MCC: variants seen among roughly 807,000 people sequenced by gnomAD.
MCC encodes colorectal mutant cancer protein.
In MCC, 90 loss-of-function variants were observed where a neutral mutation model predicts 116.2. That is an observed-to-expected ratio of 0.77 (90% CI 0.65 to 0.92). The LOEUF is 0.92. MCC is among the 40% of genes least tolerant of loss of function. The pLI is 0.00. For synonymous variants in MCC, 578 were observed against 510.5 expected, an observed-to-expected ratio of 1.13 and a Z score of -1.78; for missense variants, 1,516 against 1,312.2, an observed-to-expected ratio of 1.16 and a Z score of -2.40.
At chr5:113,342,315 C>T (rs575572729) in intron 2 of MCC, among the ~76,000 whole-genome samples, 2 of 152,188 alleles carry the variant, frequency 1.3e-5, no homozygotes, top group African/African-American at 4.8e-5. Flanking sequence ...GTGCAAGTAT[C>T]TTTTTCATAT....
At chr5:113,456,605 C>T (rs552591098) in intron 1 of MCC, among the ~76,000 whole-genome samples, 10 of 147,000 alleles carry the variant, frequency 6.8e-5, no homozygotes, top group East Asian at 2.0e-4. Context: ...TACAGTCACC[C>T]GCCACCATGC....
chr5:113,445,672 C>T (rs557918939), intron 1 of MCC, among the ~76,000 whole-genome samples: 280 of 152,146 alleles, frequency 1.8e-3, no homozygotes, highest in Non-Finnish European at 2.3e-3. Flanking sequence ...AAGCCCAAAG[C>T]GATCTACAGA....
chr5:113,327,097 C>T lies in MCC; in HGVS notation c.627+13422G>A, dbSNP rs184510915. ...GAAGCAGACAAGAGTAAGTAAGCAG[C>T]GGCATTGCTTGGGAGAGGGGTGTGA... On this transcript the variant is annotated intron_variant, in intron 3 of 18. Transcript: ENST00000408903. Among the ~76,000 whole-genome samples the T allele has an allele frequency of 1.3e-4, 20 of 152,184 alleles. 1 individual carries two copies. The highest frequency in any genetic ancestry group is 4.1e-4 in the African/African-American group (17 of 41,534).
chr5:113,264,808 C>A (rs974737883), intron 3 of MCC, among the ~76,000 whole-genome samples: 1 of 152,094 alleles, frequency 6.6e-6, no homozygotes, highest in Non-Finnish European at 1.5e-5. Context: ...TTTGGGAAGT[C>A]GAAGTGGGCA....
intron 3 of MCC, among the ~76,000 whole-genome samples, chr5:113,248,897 AGCTCACTG>A (rs1300158192): frequency 2.8e-5 from 3 of 107,584 alleles, no homozygotes; most frequent in Non-Finnish European, 3.9e-5. Context: ...GCATGATCTC[AGCTCACTG>A]CAGCCTCTGC....
At chr5:113,042,750 A>C (rs963791373) in intron 17 of MCC, among the ~76,000 whole-genome samples, 1 of 151,764 alleles carries the variant, frequency 6.6e-6, no homozygotes, top group Non-Finnish European at 1.5e-5. Context: ...TGAGGTGTAA[A>C]ATACATACCA....
chr5:113,334,630 G>C (rs56724932), intron 3 of MCC, among the ~76,000 whole-genome samples: 1 of 130,470 alleles, frequency 7.7e-6, no homozygotes, highest in South Asian at 2.3e-4. Context: ...TCGCTCTGTC[G>C]CCCAGGCTGG....
chr5:113,479,882 C>T (rs891220034), intron 1 of MCC, among the ~76,000 whole-genome samples: 2 of 152,164 alleles, frequency 1.3e-5, no homozygotes, highest in African/African-American at 4.8e-5. Context: ...ATTTCAATCT[C>T]ACAAAGGCTC....
intron 3 of MCC, among the ~76,000 whole-genome samples, chr5:113,194,319 A>G (rs976073253): frequency 3.9e-5 from 6 of 152,312 alleles, no homozygotes; most frequent in South Asian, 2.1e-4. Flanking sequence ...TGAATCAGTT[A>G]AAGTCCAACA....
At chr5:113,420,290 C>A (rs1770293006) in intron 1 of MCC, among the ~76,000 whole-genome samples, 1 of 151,514 alleles carries the variant, frequency 6.6e-6, no homozygotes, top group African/African-American at 2.4e-5. Flanking sequence ...ACAACAGCAC[C>A]AAAAACAAGT....
chr5:113,376,995 C>T (rs1769002662), intron 2 of MCC, among the ~76,000 whole-genome samples: 1 of 152,074 alleles, frequency 6.6e-6, no homozygotes. Context: ...TGTGGCTACC[C>T]GACAGAATGG....
At chr5:113,183,596 C>T (rs1208583826) in intron 3 of MCC, among the ~76,000 whole-genome samples, 1 of 152,086 alleles carries the variant, frequency 6.6e-6, no homozygotes, top group Admixed American at 6.5e-5. Context: ...TTACAATCCC[C>T]CCTCAGCTGC....
At chr5:113,050,307 C>T (rs892231980) in intron 15 of MCC, among the ~76,000 whole-genome samples, 2 of 152,154 alleles carry the variant, frequency 1.3e-5, no homozygotes, top group Non-Finnish European at 2.9e-5. Context: ...GAGAGTAACT[C>T]CACCAGCCCA....
chr5:113,233,081 T>C (rs936765781), intron 3 of MCC, among the ~76,000 whole-genome samples: 1 of 152,174 alleles, frequency 6.6e-6, no homozygotes, highest in Non-Finnish European at 1.5e-5. Context: ...CAGTGCTCTA[T>C]AAACCTGACT....
chr5:113,132,443 T>TATATACAC (rs1258191415), intron 5 of MCC, among the ~76,000 whole-genome samples: 3 of 36,578 alleles, frequency 8.2e-5, no homozygotes, highest in African/African-American at 1.4e-4. Flanking sequence ...TATATATATA[T>TATATACAC]ACACACACAC....
chr5:113,076,261 C>G (rs545357436), intron 11 of MCC, among the ~76,000 whole-genome samples: 2 of 152,114 alleles, frequency 1.3e-5, no homozygotes, highest in Non-Finnish European at 2.9e-5. Flanking sequence ...GAGAACGTCC[C>G]CAACCTAGCA....
chr5:113,098,058 A>T (rs1174129338), intron 8 of MCC, among the ~76,000 whole-genome samples: 1 of 152,236 alleles, frequency 6.6e-6, no homozygotes, highest in Admixed American at 6.5e-5. Flanking sequence ...AATTTCTAGA[A>T]AATCTCAGAA....
chr5:113,263,995 C>T (rs867221725), intron 3 of MCC, among the ~76,000 whole-genome samples: 1 of 151,708 alleles, frequency 6.6e-6, no homozygotes, highest in Non-Finnish European at 1.5e-5. Context: ...GCCTAAGTCA[C>T]GCATCTCATC....
chr5:113,067,597 T>A (rs146013656), intron 13 of MCC, among the ~76,000 whole-genome samples: 2 of 152,108 alleles, frequency 1.3e-5, no homozygotes, highest in South Asian at 4.1e-4. Context: ...GATTGCACCA[T>A]TGCACTCCAG....
Sources: allele counts gnomAD v4.1 joint callset (sites outside exome capture counted in the v4.1 genomes callset), GRCh38; gene constraint gnomAD v4.1.1; transcripts MANE v1.5; gene names NCBI Gene and HGNC (gene_info 2026-07-23, HGNC 2026-07-21).